EIF4G3: variants seen among roughly 807,000 people sequenced by gnomAD.
EIF4G3 encodes eukaryotic translation initiation factor 4 gamma 3, also known as eIF-4-gamma 3.
Under a neutral mutation model 186.4 loss-of-function variants are expected in EIF4G3, and 34 were observed. That is an observed-to-expected ratio of 0.18 (90% CI 0.14 to 0.24). The LOEUF (loss-of-function observed/expected upper bound fraction) is 0.24, where lower values mean the gene tolerates loss of function less well. EIF4G3 is among the 10% of genes least tolerant of loss of function. The probability of loss-of-function intolerance (pLI) is 1.00; values close to 1 mark genes in which losing one functional copy is unlikely to be tolerated. For missense variants in EIF4G3, 1,536 were observed against 1,948.5 expected, an observed-to-expected ratio of 0.79 and a Z score of 3.99; for synonymous variants, 673 against 679.5, an observed-to-expected ratio of 0.99 and a Z score of 0.15.
At chr1:20,973,164 T>A in intron 10 of EIF4G3, 65 bp from the exon 11 acceptor site, 3 of 1,168,358 alleles carry the variant, frequency 2.6e-6, no homozygotes, top group Non-Finnish European at 3.8e-6. Context: ...GAACTAGCAA[T>A]GACACTGTGT....
chr1:21,094,438 G>A (rs1029778575), intron 2 of EIF4G3, among the ~76,000 whole-genome samples: 6 of 151,996 alleles, frequency 3.9e-5, no homozygotes, highest in African/African-American at 1.5e-4. Flanking sequence ...ATACTATGCA[G>A]CCATAAAAAA....
chr1:20,917,545 T>G (rs1422162807), intron 14 of EIF4G3, among the ~76,000 whole-genome samples: 1 of 152,162 alleles, frequency 6.6e-6, no homozygotes, highest in East Asian at 1.9e-4. Flanking sequence ...TGCTTTCATT[T>G]ACGTAAGATT....
chr1:21,171,127 T>G (rs977920603), intron 2 of EIF4G3, among the ~76,000 whole-genome samples: 1 of 152,242 alleles, frequency 6.6e-6, no homozygotes, highest in African/African-American at 2.4e-5. Flanking sequence ...TGGAAGCCAT[T>G]TGAGAATTCA....
At chr1:20,884,085 G>A (rs774106002) in intron 19 of EIF4G3, among the ~76,000 whole-genome samples, 4 of 152,146 alleles carry the variant, frequency 2.6e-5, no homozygotes, top group Admixed American at 1.3e-4. Flanking sequence ...TAGTAGGAAC[G>A]TAAGGGAAGG....
intron 2 of EIF4G3, among the ~76,000 whole-genome samples, chr1:21,151,236 CTTTTT>C (rs71014161): frequency 2.5e-5 from 2 of 80,410 alleles, no homozygotes; most frequent in African/African-American, 9.6e-5. Context: ...GTATTTCTTT[CTTTTT>C]TTTTTTTTTT....
chr1:21,073,770 C>G, intron 3 of EIF4G3: 1 of 419,804 alleles, frequency 2.4e-6, no homozygotes, highest in Non-Finnish European at 4.8e-6. Context: ...CATGCTGGAT[C>G]ATTCTGAGTG....
At chr1:20,931,824 C>A (rs2095324550) in intron 14 of EIF4G3, among the ~76,000 whole-genome samples, 1 of 151,964 alleles carries the variant, frequency 6.6e-6, no homozygotes, top group Non-Finnish European at 1.5e-5. Context: ...ACTCAGGAGG[C>A]TGAGGCAGAA....
chr1:21,034,749 T>A (rs2093035863), intron 4 of EIF4G3, among the ~76,000 whole-genome samples: 1 of 152,194 alleles, frequency 6.6e-6, no homozygotes, highest in South Asian at 2.1e-4. Flanking sequence ...CCTGTGGCCC[T>A]GGGATGGTAC....
At chr1:20,885,009 G>A (rs2083641914) in intron 19 of EIF4G3, among the ~76,000 whole-genome samples, 2 of 152,114 alleles carry the variant, frequency 1.3e-5, no homozygotes, top group Admixed American at 1.3e-4. Context: ...TTCTCATAAG[G>A]AGCGTGCAAC....
chr1:20,879,250 T>C (rs910470708), intron 20 of EIF4G3, 73 bp downstream of exon 20: 12 of 1,212,036 alleles, frequency 9.9e-6, no homozygotes, highest in Non-Finnish European at 1.3e-5. Context: ...ATAACACTTC[T>C]GGGAAGAATG....
At chr1:20,870,951 ATGGATGGATATGTACATATGTATCT>A (rs1251774389) in intron 20 of EIF4G3, among the ~76,000 whole-genome samples, 1 of 152,170 alleles carries the variant, frequency 6.6e-6, no homozygotes. Flanking sequence ...AGCTGCATAT[ATGGATGGATATGTACATATGTATCT>A]GTATGTGTGT....
chr1:20,842,812 T>G (rs2069153475), intron 29 of EIF4G3, among the ~76,000 whole-genome samples: 1 of 152,020 alleles, frequency 6.6e-6, no homozygotes, highest in South Asian at 2.1e-4. Flanking sequence ...TTCTGTCTAT[T>G]CCCTGGTCTC....
intron 27 of EIF4G3, among the ~76,000 whole-genome samples, chr1:20,852,848 C>T (rs960651865): frequency 6.6e-6 from 1 of 152,068 alleles, no homozygotes; most frequent in African/African-American, 2.4e-5. Flanking sequence ...AATAAGAACA[C>T]AGTTTACAAA....
At chr1:21,098,009 G>A (rs886715324) in intron 2 of EIF4G3, among the ~76,000 whole-genome samples, 3 of 152,128 alleles carry the variant, frequency 2.0e-5, no homozygotes, top group African/African-American at 7.2e-5. Context: ...GGGAGGACGA[G>A]GTGGGAGGAT....
At chr1:21,107,253 T>C (rs2102010679) in intron 2 of EIF4G3, among the ~76,000 whole-genome samples, 1 of 152,310 alleles carries the variant, frequency 6.6e-6, no homozygotes, top group African/African-American at 2.4e-5. Context: ...CTTGGCTCGC[T>C]GCAACCTCTG....
At chr1:20,825,001 T>G (rs1180940614) in intron 33 of EIF4G3, 99 bp downstream of exon 33, 4 of 681,984 alleles carry the variant, frequency 5.9e-6, no homozygotes, top group Non-Finnish European at 9.3e-6. Context: ...CCTATTTTGA[T>G]GCAATTTTAA....
intron 19 of EIF4G3, among the ~76,000 whole-genome samples, chr1:20,880,193 T>C (rs2081938669): frequency 6.6e-6 from 1 of 151,926 alleles, no homozygotes; most frequent in South Asian, 2.1e-4. Context: ...TCCTAATCAA[T>C]GAAATAAAGC....
In EIF4G3 at chr1:20,832,179, G is replaced by A. The variant is rs1027948092; in HGVS notation, c.4062-2907C>T. Among the ~76,000 whole-genome samples the A allele has an allele frequency of 4.7e-3, 675 of 144,614 alleles. 6 individuals carry two copies. The highest frequency in any genetic ancestry group is 0.016 in the African/African-American group (644 of 39,466). The allele number at this position is 144,614 out of a possible 152,430, so 94.9% of individuals were successfully genotyped here. On this transcript the variant is annotated intron_variant, in intron 30 of 36. Coordinates refer to ENST00000602326, the MANE Select transcript of EIF4G3 (RefSeq NM_001391906.1). ...TCCAGTTCTAGATCCCTGAGGAATC[G>A]CCACACTGACTTCCACAATGGTTGA...
Position 20,810,960 on chromosome 1 carries a change from CT to C in EIF4G3, c.4598-77del, listed in dbSNP as rs1366731842. On this transcript the variant is annotated intron_variant, in intron 35 of 36. Coordinates refer to ENST00000602326, the MANE Select transcript of EIF4G3 (RefSeq NM_001391906.1). The surrounding 1 kb of genome is among the most constrained non-coding windows in gnomAD (Gnocchi z 4.1). ...TTATCTTTAATTTTCTTTCTTTTTT[CT>C]TTTTTTGAGACAGAGCCTCACTCTA... The C allele has an allele frequency of 1.2e-5, 18 of 1,463,980 alleles. No individual in the cohort carries two copies. Among genetic ancestry groups the C allele is most frequent in the Non-Finnish European group, 1.5e-5 (16 of 1,082,686 alleles). 90.7% of individuals were successfully genotyped at this position (1,463,980 alleles called of 1,614,324 possible).
Sources: gnomAD v4.1 joint callset for allele counts (sites outside exome capture counted in the v4.1 genomes callset) on GRCh38, gnomAD v4.1.1 for gene constraint, Gnocchi (gnomAD v3.1) non-coding constraint, MANE v1.5 for transcripts, NCBI Gene and HGNC (gene_info 2026-07-23, HGNC 2026-07-21) for gene names.